SAMD5: variants seen among roughly 807,000 people sequenced by gnomAD.
SAMD5 encodes sterile alpha motif domain-containing protein 5.
SAMD5 carries 13 observed loss-of-function variants against 11.3 expected under a neutral mutation model. The ratio of observed to expected loss-of-function variants is 1.15; its 90% CI spans 0.75 to 1.83. The LOEUF (loss-of-function observed/expected upper bound fraction) is 1.83. Among genes scored for constraint, SAMD5 ranks in the 40% most tolerant of loss-of-function variants. SAMD5 has a pLI of 0.00. For synonymous variants in SAMD5, 129 were observed against 111.3 expected (o/e 1.16, Z -1.00); for missense variants, 255 against 239.1 (o/e 1.07, Z -0.44).
downstream of SAMD5, among the ~76,000 whole-genome samples, chr6:147,574,898 G>A (rs1789196593): frequency 6.6e-6 from 1 of 152,130 alleles, no homozygotes; most frequent in South Asian, 2.1e-4. Flanking sequence ...TCAAACTGTA[G>A]CATTCTGTGT....
At position 147,509,030 on chromosome 6, in the gene SAMD5, G is replaced by A; in HGVS notation, c.102G>A (p.Lys34=). ...DNGYDDLEVC[K]QIGDPDLDAI... ...GCTACGATGACCTGGAGGTGTGCAA[G>A]CAGATCGGGGACCCGGACCTGGATG... Residue 34 remains lysine (K), a synonymous_variant, in exon 1 of 2, where the codon AAG becomes AAA. Transcript: ENST00000367474. The A allele has an allele frequency of 6.2e-7, 1 of 1,607,222 alleles. No homozygotes were observed. The highest frequency in any genetic ancestry group is 8.5e-7 in the Non-Finnish European group (1 of 1,177,502).
Position 147,564,957 on chromosome 6 carries a change from T to C in SAMD5, c.*501T>C. 4 of 810,346 alleles carry C rather than the reference T, an allele frequency of 4.9e-6. No individual in the cohort carries two copies. The highest frequency in any genetic ancestry group is 6.0e-6 in the Non-Finnish European group (4 of 671,606). The allele number at this position is 810,346 out of a possible 1,614,324, so 50.2% of individuals were successfully genotyped here. ...CATATAGGACCATGTTTTTATAAGA[T>C]AAGATACATAATTCTATGTAGAATA... On this transcript the variant is annotated 3_prime_UTR_variant, in exon 2 of 2. Coordinates refer to ENST00000367474, the MANE Select transcript of SAMD5 (RefSeq NM_001030060.3).
intron 1 of SAMD5, among the ~76,000 whole-genome samples, chr6:147,519,273 A>T (rs1788216868): frequency 6.6e-6 from 1 of 152,170 alleles, no homozygotes; most frequent in Non-Finnish European, 1.5e-5. Context: ...AAAATGTATC[A>T]TTTTTTAATA....
At chr6:147,873,368 T>A in the SAMD5 span, among the ~76,000 whole-genome samples, 2 of 149,114 alleles carry the variant, frequency 1.3e-5, no homozygotes, top group East Asian at 2.0e-4. Flanking sequence ...AGAGTGAGAC[T>A]CCATCTCAAA....
At position 147,568,070 on chromosome 6, in the gene SAMD5, A is replaced by G; in HGVS notation, c.*3614A>G. ...CTTCAGATTGATGAATTTGAGGTAC[A>G]AATGAGTGAGTGACATATGTATATT... On this transcript the variant is annotated 3_prime_UTR_variant, in exon 2 of 2. Coordinates refer to ENST00000367474, the MANE Select transcript of SAMD5 (RefSeq NM_001030060.3). 1 of 985,392 alleles carries G rather than the reference A, an allele frequency of 1.0e-6. No individual in the cohort carries two copies. The highest frequency in any genetic ancestry group is 1.2e-6 in the Non-Finnish European group (1 of 829,902). The allele number at this position is 985,392 out of a possible 1,614,324, so 61.0% of individuals were successfully genotyped here.
chr6:147,859,577 T>C, the SAMD5 span, among the ~76,000 whole-genome samples: 25 of 152,154 alleles, frequency 1.6e-4, no homozygotes, highest in African/African-American at 5.8e-4. Flanking sequence ...AATTATCCAG[T>C]TTTTAGATAA....
intron 1 of SAMD5, among the ~76,000 whole-genome samples, chr6:147,703,507 G>A (rs1791284320): frequency 6.6e-6 from 1 of 152,176 alleles, no homozygotes; most frequent in Non-Finnish European, 1.5e-5. Context: ...TTCCACACAC[G>A]AGAACTTTTA....
chr6:147,778,201 C>G, the SAMD5 span, among the ~76,000 whole-genome samples: 1 of 152,304 alleles, frequency 6.6e-6, no homozygotes, highest in Non-Finnish European at 1.5e-5. Context: ...GTCTTCCAAA[C>G]TTGTCATCAC....
rs112515052 is a variant in SAMD5 at position 147,646,042 on chromosome 6, C to G, written c.163-91275C>G. ...TCTATCTATGTATCTATCTATCTAT[C>G]TATCTATCTATCTATCTATCTATCT... On this transcript the variant is annotated intron_variant, in intron 1 of 1. Transcript: ENST00000566741. Among the ~76,000 whole-genome samples the G allele has an allele frequency of 2.1e-4, 24 of 115,270 alleles. No individual in the cohort carries two copies. The East Asian group carries it at 2.9e-3, about 14-fold the overall frequency. The allele number at this position is 115,270 out of a possible 152,430, so 75.6% of individuals were successfully genotyped here.
chr6:147,833,518 T>C, the SAMD5 span, among the ~76,000 whole-genome samples: 1 of 152,224 alleles, frequency 6.6e-6, no homozygotes, highest in South Asian at 2.1e-4. Flanking sequence ...ACAAATCCTT[T>C]GTAATATCCT....
At chr6:147,510,155 C>T (rs1788066511) in intron 1 of SAMD5, among the ~76,000 whole-genome samples, 1 of 152,112 alleles carries the variant, frequency 6.6e-6, no homozygotes, top group African/African-American at 2.4e-5. Flanking sequence ...AGTGGACCTG[C>T]ATTTGGGAGA....
chr6:147,946,586 A>G, the SAMD5 span, among the ~76,000 whole-genome samples: 520 of 152,252 alleles, frequency 3.4e-3, 2 homozygotes, highest in Non-Finnish European at 5.7e-3. Flanking sequence ...ACTAGTTTGC[A>G]TTTTTAATTT....
chr6:147,899,281 T>A, the SAMD5 span, among the ~76,000 whole-genome samples: 32,664 of 151,844 alleles, frequency 0.22, 3,592 homozygotes, highest in Non-Finnish European at 0.23. Context: ...AGATCCAATT[T>A]GGCACTATCA....
chr6:147,587,601 G>T (rs1038048466), intron 1 of SAMD5, among the ~76,000 whole-genome samples: 5 of 152,114 alleles, frequency 3.3e-5, no homozygotes, highest in African/African-American at 7.2e-5. Flanking sequence ...TGAAAATTTT[G>T]TAAAATAGAT....
intron 1 of SAMD5, among the ~76,000 whole-genome samples, chr6:147,525,293 C>T (rs963744755): frequency 1.4e-5 from 2 of 144,722 alleles, no homozygotes; most frequent in Non-Finnish European, 1.5e-5. Flanking sequence ...ATGGAATGGG[C>T]ATCTAGTATG....
At chr6:147,884,154 A>C in the SAMD5 span, among the ~76,000 whole-genome samples, 8 of 152,142 alleles carry the variant, frequency 5.3e-5, no homozygotes, top group African/African-American at 1.9e-4. Flanking sequence ...TACAATAGAG[A>C]GTACTGAGGC....
At position 147,600,237 on chromosome 6, in the gene SAMD5, T is replaced by C. The variant is rs146073901; in HGVS notation, c.162+90850T>C. ...TATTCTATTTAGTCAGGAACTGTAATGACTTCTGCAGCAGTTCTCCCTGAC... is the reference window on the plus strand; with the variant it reads ...TATTCTATTTAGTCAGGAACTGTAACGACTTCTGCAGCAGTTCTCCCTGAC... On this transcript the variant is annotated intron_variant, in intron 1 of 1. Transcript: ENST00000566741. Among the ~76,000 whole-genome samples, 626 of 152,308 alleles carry C rather than the reference T, an allele frequency of 4.1e-3. 1 individual carries two copies. Among genetic ancestry groups the C allele is most frequent in the Non-Finnish European group, 7.8e-3 (531 of 68,024 alleles).
intron 1 of SAMD5, among the ~76,000 whole-genome samples, chr6:147,619,388 T>C (rs999108958): frequency 6.6e-6 from 1 of 152,194 alleles, no homozygotes; most frequent in African/African-American, 2.4e-5. Context: ...CACCTTAATC[T>C]TGAGAAAAAC....
At chr6:147,908,312 G>A in the SAMD5 span, among the ~76,000 whole-genome samples, 1 of 152,200 alleles carries the variant, frequency 6.6e-6, no homozygotes, top group Non-Finnish European at 1.5e-5. Flanking sequence ...GCTGGCAAAG[G>A]TCAGAATCCA....
Sources: allele counts gnomAD v4.1 joint callset (sites outside exome capture counted in the v4.1 genomes callset), GRCh38; gene constraint gnomAD v4.1.1; transcripts MANE v1.5; gene names NCBI Gene and HGNC (gene_info 2026-07-23, HGNC 2026-07-21).